Variants in FOXP2 observed in about 807,000 individuals in gnomAD.
FOXP2 encodes forkhead box protein P2.
In FOXP2, 12 loss-of-function variants were observed where a neutral mutation model predicts 115.8. That is an observed-to-expected ratio of 0.10 (90% CI 0.07 to 0.17). The LOEUF is 0.17. Among genes scored for constraint, FOXP2 ranks in the 10% least tolerant of loss-of-function variants. FOXP2 has a pLI of 1.00. For missense variants in FOXP2, 629 were observed against 843.5 expected (o/e 0.75, Z 3.15); for synonymous variants, 328 against 297.7 (o/e 1.10, Z -1.05).
intron 13 of FOXP2, chr7:114,661,864 C>CA: frequency 1.7e-6 from 1 of 581,810 alleles, no homozygotes; most frequent in Non-Finnish European, 3.0e-6. Flanking sequence ...TTGGAAGGTT[C>CA]TCTTATCACA....
chr7:114,436,438 G>A (rs1326479345), intron 2 of FOXP2, among the ~76,000 whole-genome samples: 1 of 150,646 alleles, frequency 6.6e-6, no homozygotes, highest in Admixed American at 6.6e-5. Context: ...TTTATTTGCT[G>A]TCTAGCAAAG....
At chr7:114,213,273 C>A (rs1794404319) in intron 1 of FOXP2, among the ~76,000 whole-genome samples, 1 of 152,142 alleles carries the variant, frequency 6.6e-6, no homozygotes, top group South Asian at 2.1e-4. Flanking sequence ...GGTCTGTAAG[C>A]TTTGTGCATC....
chr7:114,181,100 G>C (rs796621637), intron 1 of FOXP2, among the ~76,000 whole-genome samples: 22 of 151,592 alleles, frequency 1.5e-4, no homozygotes, highest in African/African-American at 4.8e-4. Flanking sequence ...CTCCACCTAT[G>C]CTGGTTTAAT....
At chr7:114,644,408 G>T (rs1805754303) in intron 7 of FOXP2, among the ~76,000 whole-genome samples, 1 of 152,026 alleles carries the variant, frequency 6.6e-6, no homozygotes, top group Admixed American at 6.6e-5. Flanking sequence ...GTTACATTAA[G>T]GTCATAAGGC....
intron 3 of FOXP2, among the ~76,000 whole-genome samples, chr7:114,566,125 A>G (rs1259965007): frequency 6.6e-6 from 1 of 152,182 alleles, no homozygotes; most frequent in Non-Finnish European, 1.5e-5. Context: ...AAGCCATCAA[A>G]TCAGCAAACA....
intron 2 of FOXP2, among the ~76,000 whole-genome samples, chr7:114,348,870 C>A (rs1035634050): frequency 6.6e-6 from 1 of 152,044 alleles, no homozygotes; most frequent in Non-Finnish European, 1.5e-5. Flanking sequence ...GCCATCAGTG[C>A]GTGGGTATCA....
intron 2 of FOXP2, among the ~76,000 whole-genome samples, chr7:114,290,054 A>T (rs781673883): frequency 2.0e-5 from 3 of 151,888 alleles, no homozygotes; most frequent in Non-Finnish European, 4.4e-5. Flanking sequence ...TCAAAGAGTA[A>T]AATAGGGGAC....
At chr7:114,124,735 CT>C in intron 1 of FOXP2, among the ~76,000 whole-genome samples, 1 of 152,026 alleles carries the variant, frequency 6.6e-6, no homozygotes, top group East Asian at 1.9e-4. Flanking sequence ...TCCCAACCCC[CT>C]CTCACCTCTG....
Position 114,369,000 on chromosome 7 carries a change from C to T in FOXP2, c.-10-57502C>T, listed in dbSNP as rs147276540. 7.4e-3 allele frequency among the ~76,000 whole-genome samples: 1,119 copies of T among 152,216 alleles called. 13 individuals are homozygous for T. Among genetic ancestry groups the T allele is most frequent in the African/African-American group, 0.026 (1,063 of 41,510 alleles). On this transcript the variant is annotated intron_variant, in intron 2 of 17. Transcript: ENST00000634411. ...ATGGCTTCAGCTGGGGCTGCTAGAC[C>T]GAAGTTGGAGGATCGAGCCACTTAA...
intron 14 of FOXP2, among the ~76,000 whole-genome samples, chr7:114,662,995 G>C (rs76738497): frequency 0.014 from 2,069 of 152,166 alleles, 19 homozygotes; most frequent in Non-Finnish European, 0.021. Context: ...TCAAGAAATA[G>C]TTAATCTATT....
At chr7:114,483,063 G>GTAAATAGTA (rs1400689274) in intron 2 of FOXP2, among the ~76,000 whole-genome samples, 1 of 151,642 alleles carries the variant, frequency 6.6e-6, no homozygotes, top group African/African-American at 2.4e-5. Context: ...TGGAAGCTAT[G>GTAAATAGTA]TAAATAGTAC....
chr7:114,654,122 A>G, intron 10 of FOXP2, 113 bp downstream of exon 10: 3 of 1,585,914 alleles, frequency 1.9e-6, no homozygotes, highest in Non-Finnish European at 2.6e-6. Flanking sequence ...AAATACGGCA[A>G]TAAAATGAAA....
intron 2 of FOXP2, among the ~76,000 whole-genome samples, chr7:114,392,374 T>G (rs1357258838): frequency 1.3e-5 from 2 of 152,146 alleles, no homozygotes; most frequent in African/African-American, 2.4e-5. Context: ...AGGAAGGTTT[T>G]AAAGTGTTGC....
chr7:114,630,709 A>G (rs1193900130), intron 5 of FOXP2: 1 of 153,492 alleles, frequency 6.5e-6, no homozygotes, highest in Non-Finnish European at 1.4e-5. Flanking sequence ...ATTTGTGAAT[A>G]GAATTTCAGA....
intron 6 of FOXP2, among the ~76,000 whole-genome samples, chr7:114,640,978 C>G (rs546054304): frequency 6.6e-6 from 1 of 152,130 alleles, no homozygotes; most frequent in Admixed American, 6.6e-5. Flanking sequence ...AGTAAAAATG[C>G]CAGAATATAG....
At chr7:114,253,387 T>G (rs1453603610) in intron 1 of FOXP2, among the ~76,000 whole-genome samples, 2 of 152,166 alleles carry the variant, frequency 1.3e-5, no homozygotes, top group Non-Finnish European at 2.9e-5. Flanking sequence ...ATGTTGACAG[T>G]GGGGCGTTAA....
Position 114,414,922 on chromosome 7 carries a change from G to GCACA in FOXP2, c.-440_-437dup. ...CACACACTCACACACTCACACACAT[G>GCACA]CACACACACACATACACACACACAA... On this transcript the variant is annotated 5_prime_UTR_variant, in exon 1 of 17. The change abolishes the stop of an existing upstream ORF in the 5' untranslated region. Coordinates refer to ENST00000350908, the MANE Select transcript of FOXP2 (RefSeq NM_014491.4). 1 of 378,298 alleles carries GCACA rather than the reference G, an allele frequency of 2.6e-6. No homozygotes were observed. Among genetic ancestry groups the GCACA allele is most frequent in the Non-Finnish European group, 5.3e-6 (1 of 188,730 alleles). The allele number at this position is 378,298 out of a possible 1,614,324, so 23.4% of individuals were successfully genotyped here. A position where few individuals can be genotyped will look rare whatever the true frequency, so the allele number is the denominator to read the frequency against.
chr7:114,390,481 C>T (rs974499098), intron 2 of FOXP2, among the ~76,000 whole-genome samples: 10 of 151,878 alleles, frequency 6.6e-5, no homozygotes, highest in East Asian at 1.9e-4. Context: ...GCCAAATCCA[C>T]GTACATGTTT....
At position 114,616,041 on chromosome 7, in the gene FOXP2, C is replaced by A. The variant is rs572051217; in HGVS notation, c.259-12499C>A. On this transcript the variant is annotated intron_variant, in intron 3 of 16. Transcript: ENST00000350908. ...TCTTCTCCAGTTTATTGAATTATTTCTCTTACATTAGAATATACCCTTTGC... is the reference window on the plus strand; with the variant it reads ...TCTTCTCCAGTTTATTGAATTATTTATCTTACATTAGAATATACCCTTTGC... Among the ~76,000 whole-genome samples the A allele has an allele frequency of 3.3e-5, 5 of 152,226 alleles. No individual in the cohort carries two copies. The South Asian group carries it at 1.0e-3, about 32-fold the overall frequency.
Sources: allele counts gnomAD v4.1 joint callset (sites outside exome capture counted in the v4.1 genomes callset), GRCh38; gene constraint gnomAD v4.1.1; transcripts MANE v1.5; gene names NCBI Gene and HGNC (gene_info 2026-07-23, HGNC 2026-07-21).